Variants in TRPM3 observed in about 807,000 individuals in gnomAD.
The protein encoded by TRPM3 is transient receptor potential cation channel subfamily M member 3.
Under a neutral mutation model 181.2 loss-of-function variants are expected in TRPM3, and 77 were observed. That is an observed-to-expected ratio of 0.42 (90% CI 0.35 to 0.51). TRPM3 has a LOEUF of 0.51. Among genes scored for constraint, TRPM3 ranks in the 20% least tolerant of loss-of-function variants. TRPM3 has a pLI of 0.01. For missense variants in TRPM3, 1,759 were observed against 2,196.7 expected (o/e 0.80, Z 3.98); for synonymous variants, 745 against 796.4 (o/e 0.94, Z 1.09).
intron 1 of TRPM3, among the ~76,000 whole-genome samples, chr9:71,215,047 C>CAA (rs72383590): frequency 8.9e-6 from 1 of 112,562 alleles, no homozygotes; most frequent in African/African-American, 3.6e-5. Flanking sequence ...AAAAAAAAAA[C>CAA]AAAAAAAAAA....
intron 1 of TRPM3, among the ~76,000 whole-genome samples, chr9:71,379,248 G>A (rs999013499): frequency 1.6e-4 from 24 of 151,992 alleles, no homozygotes; most frequent in African/African-American, 5.6e-4. Flanking sequence ...TGTCCAAGTA[G>A]GTCTTCTGCA....
chr9:71,112,630 C>T (rs552518169), intron 1 of TRPM3, among the ~76,000 whole-genome samples: 4 of 152,276 alleles, frequency 2.6e-5, no homozygotes, highest in African/African-American at 7.2e-5. Flanking sequence ...ATTCATCTAA[C>T]ACCCGAGACA....
At chr9:71,349,657 G>A (rs1330304569) in intron 1 of TRPM3, among the ~76,000 whole-genome samples, 3 of 152,078 alleles carry the variant, frequency 2.0e-5, no homozygotes, top group Admixed American at 6.5e-5. Flanking sequence ...TTTAAAATAC[G>A]ATTACAATCA....
intron 1 of TRPM3, among the ~76,000 whole-genome samples, chr9:71,419,794 A>G (rs1337887191): frequency 1.3e-5 from 2 of 151,902 alleles, no homozygotes; most frequent in African/African-American, 2.4e-5. Context: ...GACATAAATC[A>G]TCTCAATTTG....
intron 1 of TRPM3, among the ~76,000 whole-genome samples, chr9:71,344,162 T>G (rs1378745558): frequency 1.3e-5 from 2 of 151,932 alleles, no homozygotes; most frequent in Non-Finnish European, 2.9e-5. Flanking sequence ...AAAAATTAAC[T>G]GGGGCAGCTG....
chr9:71,420,572 AAGAG>A (rs1051544921), intron 1 of TRPM3, among the ~76,000 whole-genome samples: 8 of 150,242 alleles, frequency 5.3e-5, no homozygotes, highest in African/African-American at 1.9e-4. Flanking sequence ...AGAAAAAGAG[AAGAG>A]AAAGAGAAAG....
At chr9:71,302,236 C>T (rs2132336344) in intron 1 of TRPM3, among the ~76,000 whole-genome samples, 1 of 152,244 alleles carries the variant, frequency 6.6e-6, no homozygotes, top group East Asian at 1.9e-4. Flanking sequence ...ATTGCAAATA[C>T]TCTTCAACAT....
intron 1 of TRPM3, among the ~76,000 whole-genome samples, chr9:71,332,024 T>C (rs867562333): frequency 5.1e-4 from 77 of 150,066 alleles, no homozygotes; most frequent in African/African-American, 1.8e-3. Flanking sequence ...AGCTATAGTA[T>C]TCATAAAATA....
intron 1 of TRPM3, among the ~76,000 whole-genome samples, chr9:70,969,056 A>G (rs2097212506): frequency 6.6e-6 from 1 of 152,206 alleles, no homozygotes; most frequent in African/African-American, 2.4e-5. Flanking sequence ...AAAAGAAACT[A>G]TCATCGGACT....
chr9:71,335,407 T>G (rs936513592), intron 1 of TRPM3, among the ~76,000 whole-genome samples: 8 of 152,140 alleles, frequency 5.3e-5, no homozygotes, highest in Admixed American at 5.2e-4. Context: ...ATAGCCATCT[T>G]TAAACTTAAT....
intron 1 of TRPM3, among the ~76,000 whole-genome samples, chr9:71,311,779 T>C (rs1027212347): frequency 6.6e-6 from 1 of 151,612 alleles, no homozygotes; most frequent in African/African-American, 2.4e-5. Flanking sequence ...TAATGATAGC[T>C]GATGAGCAAA....
chr9:70,917,540 C>G, intron 1 of TRPM3: 2 of 680,504 alleles, frequency 2.9e-6, no homozygotes, highest in Non-Finnish European at 5.4e-6. Flanking sequence ...GCTTTGTTTT[C>G]TTCTTTACGC....
At chr9:70,886,407 A>G (rs2096083012) in intron 1 of TRPM3, among the ~76,000 whole-genome samples, 1 of 152,150 alleles carries the variant, frequency 6.6e-6, no homozygotes. Flanking sequence ...AATTTAAAGT[A>G]ATTATCTTGT....
intron 25 of TRPM3, among the ~76,000 whole-genome samples, chr9:70,546,676 GAAAA>G (rs76948604): frequency 8.3e-4 from 72 of 86,612 alleles, no homozygotes; most frequent in African/African-American, 2.4e-3. Context: ...CTCCTCATCG[GAAAA>G]AAAAAAAAAA....
chr9:70,886,081 CAACATTTTAGAAA>C (rs2096077034), intron 1 of TRPM3, among the ~76,000 whole-genome samples: 1 of 152,068 alleles, frequency 6.6e-6, no homozygotes, highest in Non-Finnish European at 1.5e-5. Flanking sequence ...TGTTAACCAT[CAACATTTTAGAAA>C]ACTGCATTTG....
chr9:70,869,729 T>C (rs1054712097), intron 1 of TRPM3, among the ~76,000 whole-genome samples: 20 of 151,976 alleles, frequency 1.3e-4, no homozygotes, highest in Admixed American at 1.3e-3. Flanking sequence ...ATTAGAAACC[T>C]ACAGTCCTGC....
rs570970708 is a variant in TRPM3 at position 71,132,337 on chromosome 9, T to C, written c.184-267826A>G. On this transcript the variant is annotated intron_variant, in intron 1 of 24. Transcript: ENST00000357533. ...TTGGAGGGAACCACACACTGAGCAT[T>C]ATTTCAAAATATATATTTTTAGAAG... Among the ~76,000 whole-genome samples the C allele has an allele frequency of 4.6e-5, 7 of 152,316 alleles. No individual in the cohort carries two copies. In the South Asian group the frequency reaches 1.5e-3, roughly 32 times the overall value.
chr9:70,621,804 T>C (rs2063679930), intron 14 of TRPM3, among the ~76,000 whole-genome samples: 1 of 152,156 alleles, frequency 6.6e-6, no homozygotes, highest in African/African-American at 2.4e-5. Context: ...GATTCGGTGA[T>C]TTTAATGAAT....
At chr9:71,121,887 T>A (rs2073694222), upstream of TRPM3, among the ~76,000 whole-genome samples, 1 of 152,152 alleles carries the variant, frequency 6.6e-6, no homozygotes, top group Admixed American at 6.5e-5. Flanking sequence ...TTGATTTATG[T>A]GACATAATAA....
Sources: allele counts gnomAD v4.1 joint callset (sites outside exome capture counted in the v4.1 genomes callset), GRCh38; gene constraint gnomAD v4.1.1; transcripts MANE v1.5; gene names NCBI Gene and HGNC (gene_info 2026-07-23, HGNC 2026-07-21).